The following LRRC37A2 variants were observed in gnomAD, a reference collection of about 807,000 sequenced individuals.
LRRC37A2 encodes leucine-rich repeat-containing protein 37A2.
A neutral mutation model predicts 68.8 loss-of-function variants in LRRC37A2; 9 were observed. The ratio of observed to expected loss-of-function variants is 0.13; its 90% CI spans 0.08 to 0.23. The LOEUF (loss-of-function observed/expected upper bound fraction) is 0.23. Ranked by LOEUF, LRRC37A2 falls within the 10% of genes least tolerant of loss-of-function variation. LRRC37A2 has a pLI of 1.00. For synonymous variants in LRRC37A2, 63 were observed against 367.6 expected, an observed-to-expected ratio of 0.17 and a Z score of 9.48; for missense variants, 168 against 950.4, an observed-to-expected ratio of 0.18 and a Z score of 10.82.
At chr17:46,981,441 T>G in the LRRC37A2 span, among the ~76,000 whole-genome samples, 1 of 152,214 alleles carries the variant, frequency 6.6e-6, no homozygotes, top group African/African-American at 2.4e-5. Context: ...TTTCTCTCTC[T>G]TCTCTTTCTG....
chr17:46,716,903 G>A, the LRRC37A2 span, among the ~76,000 whole-genome samples: 1 of 152,124 alleles, frequency 6.6e-6, no homozygotes, highest in Non-Finnish European at 1.5e-5. Context: ...TTTTTTCAGT[G>A]TAACTAAAGC....
chr17:46,840,664 T>C, the LRRC37A2 span, among the ~76,000 whole-genome samples: 1 of 152,236 alleles, frequency 6.6e-6, no homozygotes, highest in Non-Finnish European at 1.5e-5. Context: ...CCTGCATCTG[T>C]TGTTTCCTGA....
At chr17:46,875,388 C>T in the LRRC37A2 span, 3,305 of 1,568,680 alleles carry the variant, frequency 2.1e-3, 67 homozygotes, top group African/African-American at 0.037. Context: ...CCTGGCTGCC[C>T]GCAGTGCCTT....
the LRRC37A2 span, among the ~76,000 whole-genome samples, chr17:46,991,023 G>A: frequency 2.0e-5 from 3 of 152,252 alleles, no homozygotes; most frequent in South Asian, 2.1e-4. Context: ...TCCACTTCCA[G>A]GAATTTATCC....
the LRRC37A2 span, among the ~76,000 whole-genome samples, chr17:46,855,220 C>T: frequency 7.2e-5 from 11 of 152,282 alleles, no homozygotes; most frequent in African/African-American, 2.2e-4. Flanking sequence ...GCAGAGAGGC[C>T]GAAGGGGGTG....
At chr17:46,770,026 A>T in the LRRC37A2 span, 1 of 1,569,170 alleles carries the variant, frequency 6.4e-7, no homozygotes, top group South Asian at 1.2e-5. Context: ...CGATGGCGTG[A>T]ACGAAGGCCG....
chr17:46,897,220 T>C, the LRRC37A2 span, among the ~76,000 whole-genome samples: 2 of 152,224 alleles, frequency 1.3e-5, no homozygotes, highest in Non-Finnish European at 2.9e-5. Flanking sequence ...GCTTGAGACC[T>C]AGTTCCAGAA....
chr17:46,495,113 A>G, the LRRC37A2 span, among the ~76,000 whole-genome samples: 1 of 147,082 alleles, frequency 6.8e-6, no homozygotes, highest in Non-Finnish European at 1.5e-5. Context: ...AATGTCCTCC[A>G]GTTCTATCCA....
the LRRC37A2 span, among the ~76,000 whole-genome samples, chr17:47,035,600 CT>C: frequency 6.6e-6 from 1 of 152,194 alleles, no homozygotes; most frequent in South Asian, 2.1e-4. Flanking sequence ...TTTATTTTGG[CT>C]TTTATGAATA....
the LRRC37A2 span, among the ~76,000 whole-genome samples, chr17:46,990,499 T>C: frequency 1.8e-3 from 272 of 152,176 alleles, 1 homozygote; most frequent in African/African-American, 4.8e-3. Context: ...CCCCCAGTCG[T>C]TGTAAGGGGT....
At chr17:46,708,054 C>T in the LRRC37A2 span, among the ~76,000 whole-genome samples, 1 of 151,100 alleles carries the variant, frequency 6.6e-6, no homozygotes, top group Non-Finnish European at 1.5e-5. Context: ...AAAAAAAATC[C>T]ATGATATGTA....
the LRRC37A2 span, among the ~76,000 whole-genome samples, chr17:46,807,002 A>T: frequency 3.3e-5 from 5 of 152,148 alleles, no homozygotes; most frequent in African/African-American, 1.2e-4. Flanking sequence ...GGGTGGGAGG[A>T]ACCAGTTGTG....
chr17:46,962,153 C>T, the LRRC37A2 span, among the ~76,000 whole-genome samples: 1 of 152,044 alleles, frequency 6.6e-6, no homozygotes, highest in Non-Finnish European at 1.5e-5. Context: ...TGGTGAAACC[C>T]TGTCTCTACT....
the LRRC37A2 span, chr17:46,830,598 T>G: frequency 5.0e-6 from 2 of 398,588 alleles, no homozygotes; most frequent in Non-Finnish European, 8.8e-6. Flanking sequence ...ACCAAAATAT[T>G]TATTCTTTTA....
At chr17:47,020,988 G>GA in the LRRC37A2 span, among the ~76,000 whole-genome samples, 4 of 151,518 alleles carry the variant, frequency 2.6e-5, no homozygotes, top group Non-Finnish European at 4.4e-5. Flanking sequence ...TTGTTAAATA[G>GA]AAAAAAAATG....
chr17:46,933,216 T>C, the LRRC37A2 span: 2 of 152,284 alleles, frequency 1.3e-5, no homozygotes, highest in African/African-American at 4.8e-5. Flanking sequence ...CAGCCTGGCG[T>C]GATGCTGTGC....
the LRRC37A2 span, among the ~76,000 whole-genome samples, chr17:46,801,226 T>G: frequency 7.2e-5 from 11 of 152,092 alleles, no homozygotes; most frequent in Non-Finnish European, 1.6e-4. Context: ...ATGTTGGGGT[T>G]GGGAGAGGAG....
the LRRC37A2 span, among the ~76,000 whole-genome samples, chr17:46,889,661 G>C: frequency 6.6e-6 from 1 of 152,118 alleles, no homozygotes; most frequent in African/African-American, 2.4e-5. Context: ...GATGGAGGGG[G>C]TCCACATAGC....
the LRRC37A2 span, among the ~76,000 whole-genome samples, chr17:46,943,581 A>G: frequency 1.3e-5 from 2 of 151,992 alleles, no homozygotes; most frequent in African/African-American, 4.8e-5. Context: ...GTTGCTCCTC[A>G]CCGCAGGGGC....
Sources: allele counts gnomAD v4.1 joint callset (sites outside exome capture counted in the v4.1 genomes callset), GRCh38; gene constraint gnomAD v4.1.1; transcripts MANE v1.5; gene names NCBI Gene and HGNC (gene_info 2026-07-23, HGNC 2026-07-21).